ZNF844: variants seen among roughly 807,000 people sequenced by gnomAD.
ZNF844 encodes the protein zinc finger protein 844.
In ZNF844, 11 loss-of-function variants were observed where a neutral mutation model predicts 11.4. That is an observed-to-expected ratio of 0.97 (90% CI 0.61 to 1.60). The LOEUF is 1.60. ZNF844 is among the 40% of genes most tolerant of loss of function. The pLI is 0.00. For missense variants in ZNF844, 790 were observed against 796.8 expected (o/e 0.99, Z 0.10); for synonymous variants, 248 against 260.3 (o/e 0.95, Z 0.46).
intron 1 of ZNF844, among the ~76,000 whole-genome samples, chr19:12,067,776 C>T (rs1036694741): frequency 1.3e-5 from 2 of 150,496 alleles, no homozygotes; most frequent in Non-Finnish European, 3.0e-5. Context: ...ATTAGCCGGG[C>T]GTGGTAGTGG....
intron 1 of ZNF844, among the ~76,000 whole-genome samples, chr19:12,066,530 C>CTTTTTTTTTT (rs80186949): frequency 3.4e-3 from 315 of 92,318 alleles, no homozygotes; most frequent in East Asian, 5.8e-3. Flanking sequence ...TAAATGTCTT[C>CTTTTTTTTTT]TTTTTTTTTT....
At position 12,080,403 on chromosome 19, in the gene ZNF844, G is replaced by A; in HGVS notation, c.*3282G>A. The stretch of plus-strand genomic sequence containing the variant: ...CAGGACAATAAAATTTAGAAATGGA[G>A]TTGGAGGATGTCATAATACAATTCA... On this transcript the variant is annotated 3_prime_UTR_variant, in exon 4 of 4. Transcript: ENST00000439326. The A allele has an allele frequency of 5.2e-6, 2 of 383,612 alleles. No individual in the cohort carries two copies. The highest frequency in any genetic ancestry group is 1.0e-5 in the Non-Finnish European group (2 of 199,594). The allele number at this position is 383,612 out of a possible 1,614,324, so 23.8% of individuals were successfully genotyped here. A position where few individuals can be genotyped will look rare whatever the true frequency, so the allele number is the denominator to read the frequency against.
chr19:12,065,118 C>T (rs936679244), intron 1 of ZNF844, among the ~76,000 whole-genome samples: 3 of 151,958 alleles, frequency 2.0e-5, no homozygotes, highest in African/African-American at 7.2e-5. Context: ...GCGGCCCCAG[C>T]CCGGGAGCCC....
In ZNF844 at chr19:12,065,064, A is replaced by T. The variant is rs1240136705; in HGVS notation, c.3+188A>T. ...GGCCGCCGGGTGCGGCTGGGCCGGC[A>T]GCCGGGACCCCTGGGCGCCCTGTCT... On this transcript the variant is annotated intron_variant, in intron 1 of 3. Transcript: ENST00000439326. Among the ~76,000 whole-genome samples, 9 of 151,922 alleles carry T rather than the reference A, an allele frequency of 5.9e-5. No homozygotes were observed. In the East Asian group the frequency reaches 1.8e-3, roughly 30 times the overall value.
At chr19:12,069,978 C>T (rs1359850404) in intron 1 of ZNF844, among the ~76,000 whole-genome samples, 1 of 149,680 alleles carries the variant, frequency 6.7e-6, no homozygotes, top group Non-Finnish European at 1.5e-5. Context: ...AAAAAGAGGC[C>T]GGGCGCGGTG....
At chr19:12,071,712 T>TA (rs60681992) in intron 1 of ZNF844, among the ~76,000 whole-genome samples, 5 of 151,168 alleles carry the variant, frequency 3.3e-5, no homozygotes, top group African/African-American at 4.9e-5. Context: ...TTTTTTTTTT[T>TA]ACTTGGTACA....
rs189052177 is a variant in ZNF844, at chr19:12,075,711, T to C, written c.591T>C (p.Tyr197=). 1.3e-5 allele frequency: 21 copies of C among 1,613,886 alleles called. No individual in the cohort carries two copies. Among genetic ancestry groups the C allele is most frequent in the African/African-American group, 4.0e-5 (3 of 75,048 alleles). The part of the protein sequence containing the change: ...HMIMHNGDGT[Y]KCKFCGKACP... ...TAATGCACAATGGAGATGGAACTTA[T>C]AAATGTAAGTTTTGTGGGAAAGCCT... Residue 197 remains tyrosine (Y), a synonymous_variant, in exon 4 of 4, where the codon TAT becomes TAC. Coordinates refer to ENST00000439326, the MANE Select transcript of ZNF844 (RefSeq NM_001136501.3).
chr19:12,077,533 C>A lies in ZNF844; in HGVS notation c.*412C>A, dbSNP rs997238521. The A allele has an allele frequency of 4.9e-6, 3 of 611,084 alleles. No individual in the cohort carries two copies. The highest frequency in any genetic ancestry group is 1.9e-5 in the Admixed American group (1 of 52,028). The allele number at this position is 611,084 out of a possible 1,614,324, so 37.9% of individuals were successfully genotyped here. A position where few individuals can be genotyped will look rare whatever the true frequency, so the allele number is the denominator to read the frequency against. On this transcript the variant is annotated 3_prime_UTR_variant, in exon 4 of 4. Coordinates refer to ENST00000439326, the MANE Select transcript of ZNF844 (RefSeq NM_001136501.3). ...CTTCGATATCATGAAAGGACTCACA[C>A]TGGAGAGAAACCCTATGAATGTAAG...
At position 12,075,336 on chromosome 19, in the gene ZNF844, T is replaced by G; in HGVS notation, c.216T>G (p.Asp72Glu). The change falls in exon 4 of 4, where the codon GAT becomes GAG. Residue 72 changes from aspartate to glutamate, a missense_variant. Asp to Glu is a conservative substitution (Grantham distance 45). This residue lies in a region of ZNF844 where 129 missense variants were observed against 144.0 expected (regional missense o/e 0.90). Coordinates refer to ENST00000439326, the MANE Select transcript of ZNF844 (RefSeq NM_001136501.3). ...NLRSLLGERV[D>E]ENTEENHCGE... ...GAAGTCTTCTGGGAGAGAGAGTTGA[T>G]GAAAATACAGAAGAAAATCATTGTG... The G allele has an allele frequency of 1.4e-6, 2 of 1,475,906 alleles. No individual in the cohort carries two copies. The highest frequency in any genetic ancestry group is 1.8e-6 in the Non-Finnish European group (2 of 1,112,454). 91.4% of individuals were successfully genotyped at this position (1,475,906 alleles called of 1,614,324 possible). A position where few individuals can be genotyped will look rare whatever the true frequency, so the allele number is the denominator to read the frequency against.
At chr19:12,068,037 A>G (rs898175462) in intron 1 of ZNF844, among the ~76,000 whole-genome samples, 1 of 151,314 alleles carries the variant, frequency 6.6e-6, no homozygotes, top group Non-Finnish European at 1.5e-5. Flanking sequence ...CCTCACACCT[A>G]CATCCTAGCA....
intron 1 of ZNF844, among the ~76,000 whole-genome samples, chr19:12,073,247 C>T (rs1007099599): frequency 1.3e-5 from 2 of 152,026 alleles, no homozygotes; most frequent in Non-Finnish European, 2.9e-5. Context: ...GCAACCTCCG[C>T]CTGCCAGGTT....
rs900036031 is a variant in ZNF844, at chr19:12,078,859, C to CT, written c.*1747dup. 76 of 151,628 alleles carry CT rather than the reference C, an allele frequency of 5.0e-4. No homozygotes were observed. The highest frequency in any genetic ancestry group is 3.4e-3 in the Middle Eastern group (1 of 294). 9.4% of individuals were successfully genotyped at this position (151,628 alleles called of 1,614,324 possible). ...GATAGGCCTCTCTCCCCGTTCATTT[C>CT]TTTTTTTTTGAGACGGAGTCTTGCT... is the stretch of plus-strand genomic sequence containing the variant. On this transcript the variant is annotated 3_prime_UTR_variant, in exon 4 of 4. Transcript: ENST00000439326.
rs34875421 is a variant in ZNF844 at position 12,079,946 on chromosome 19, C to CA, written c.*2845dup. 6.7e-3 allele frequency: 557 copies of CA among 82,656 alleles called. 4 individuals are homozygous for CA. Among genetic ancestry groups the CA allele is most frequent in the East Asian group, 0.038 (94 of 2,498 alleles). 5.1% of individuals were successfully genotyped at this position (82,656 alleles called of 1,614,324 possible). A position where few individuals can be genotyped will look rare whatever the true frequency, so the allele number is the denominator to read the frequency against. On this transcript the variant is annotated 3_prime_UTR_variant, in exon 4 of 4. Coordinates refer to ENST00000439326, the MANE Select transcript of ZNF844 (RefSeq NM_001136501.3). ...GGGCAACAAGAGTGAAACTCCATCT[C>CA]AAAAAAAAAAAAAAAAAAAATTGAG... is the stretch of plus-strand genomic sequence containing the variant.
Position 12,076,775 on chromosome 19 carries a change from GAC to G in ZNF844, c.1660_1661del (p.Thr554ProfsTer89). ...TCAGAAACCTTCAAATTCATGAAAAGACACACCCTGGAGAGAAACCCTATAAG... is the reference window on the plus strand; with the variant it reads ...TCAGAAACCTTCAAATTCATGAAAAGACACCCTGGAGAGAAACCCTATAAG... On this transcript the variant is annotated frameshift_variant, in exon 4 of 4. Transcript: ENST00000439326. LOFTEE classifies it low-confidence loss of function (END_TRUNC). The G allele has an allele frequency of 6.3e-7, 1 of 1,582,624 alleles. No homozygotes were observed. The highest frequency in any genetic ancestry group is 2.3e-5 in the East Asian group (1 of 43,348).
At position 12,075,984 on chromosome 19, in the gene ZNF844, A is replaced by C. The variant is rs1237369085; in HGVS notation, c.864A>C (p.Lys288Asn). Residue 288 changes from lysine to asparagine, a missense_variant, in exon 4 of 4, where the codon AAA becomes AAC. By Grantham distance (94) the Lys-to-Asn change is moderately conservative (BLOSUM62 0). Around this residue, in one of 3 missense-constraint regions of ZNF844, gnomAD observed 657 missense variants for 636.2 expected, o/e 1.03. Coordinates refer to ENST00000439326, the MANE Select transcript of ZNF844 (RefSeq NM_001136501.3). ...EKPYECKQCG[K>N]AFRWFHSFQI... ...CATATGAATGCAAACAATGTGGAAA[A>C]GCCTTCAGATGGTTCCATTCCTTTC... 1.3e-6 allele frequency: 2 copies of C among 1,589,138 alleles called. No homozygotes were observed. The highest frequency in any genetic ancestry group is 1.7e-6 in the Non-Finnish European group (2 of 1,167,388).
Position 12,077,622 on chromosome 19 carries a change from G to A in ZNF844, c.*501G>A, listed in dbSNP as rs1354722871. The A allele has an allele frequency of 1.8e-5, 10 of 551,252 alleles. No individual in the cohort carries two copies. Among genetic ancestry groups the A allele is most frequent in the Admixed American group, 4.1e-5 (2 of 48,790 alleles). 34.1% of individuals were successfully genotyped at this position (551,252 alleles called of 1,614,324 possible). On this transcript the variant is annotated 3_prime_UTR_variant, in exon 4 of 4. Transcript: ENST00000439326. ...GATGCATAGAAAGATTCACACTGGC[G>A]AGAAACCCTATGAATGTAAGCAATG... is the stretch of plus-strand genomic sequence containing the variant.
chr19:12,065,516 A>T (rs1338600878), intron 1 of ZNF844, among the ~76,000 whole-genome samples: 2 of 152,116 alleles, frequency 1.3e-5, no homozygotes, highest in Non-Finnish European at 2.9e-5. Context: ...ATTGCAGTAA[A>T]GAAAATGTTT....
At position 12,078,435 on chromosome 19, in the gene ZNF844, CTATT is replaced by C. The variant is rs1404557289; in HGVS notation, c.*1317_*1320del. The C allele has an allele frequency of 2.0e-5, 3 of 152,064 alleles. No individual in the cohort carries two copies. The highest frequency in any genetic ancestry group is 4.8e-5 in the African/African-American group (2 of 41,400). 9.4% of individuals were successfully genotyped at this position (152,064 alleles called of 1,614,324 possible). A position where few individuals can be genotyped will look rare whatever the true frequency, so the allele number is the denominator to read the frequency against. ...AGCCACTGCACCCAGCTGTTATTCTCTATTTAATTAATTGAGAAGCCATAATAAA... is the reference window on the plus strand; with the variant it reads ...AGCCACTGCACCCAGCTGTTATTCTCTAATTAATTGAGAAGCCATAATAAA... On this transcript the variant is annotated 3_prime_UTR_variant, in exon 4 of 4. Transcript: ENST00000439326.
At chr19:12,070,118 C>G (rs1331060070) in intron 1 of ZNF844, 1 of 116,854 alleles carries the variant, frequency 8.6e-6, no homozygotes, top group African/African-American at 3.2e-5. Flanking sequence ...AAAAAAAAGA[C>G]AAAAATAAAA....
Sources: gnomAD v4.1 joint callset for allele counts (sites outside exome capture counted in the v4.1 genomes callset) on GRCh38, gnomAD v4.1.1 for gene constraint, gnomAD v4.1.1 regional missense constraint, MANE v1.5 for transcripts, NCBI Gene and HGNC (gene_info 2026-07-23, HGNC 2026-07-21) for gene names.